The following LMF1 variants were observed in gnomAD, a reference collection of about 807,000 sequenced individuals.
LMF1 encodes the protein lipase maturation factor 1.
A neutral mutation model predicts 60.6 loss-of-function variants in LMF1; 68 were observed. The ratio of observed to expected loss-of-function variants is 1.12; its 90% confidence interval spans 0.92 to 1.37. The LOEUF (loss-of-function observed/expected upper bound fraction) is 1.37, where lower values mean the gene tolerates loss of function less well. Among genes scored for constraint, LMF1 ranks in the 40% most tolerant of loss-of-function variants. The pLI is 0.00. For missense variants in LMF1, 948 were observed against 767.2 expected (o/e 1.24, Z -2.78); for synonymous variants, 418 against 324.7 (o/e 1.29, Z -3.09).
chr16:910,869 G>A, intron 4 of LMF1, 62 bp downstream of exon 4: 1 of 1,594,666 alleles, frequency 6.3e-7, no homozygotes, highest in Non-Finnish European at 8.6e-7. Flanking sequence ...TCTCCTAGAA[G>A]CCTCACAGGT....
chr16:869,443 G>A, intron 9 of LMF1: 1 of 546,934 alleles, frequency 1.8e-6, no homozygotes, highest in Non-Finnish European at 3.5e-6. Context: ...CTTCTTTCCT[G>A]TTCGCTGAGA....
At chr16:944,277 C>T (rs556754370) in intron 2 of LMF1, among the ~76,000 whole-genome samples, 24 of 150,496 alleles carry the variant, frequency 1.6e-4, no homozygotes, top group African/African-American at 5.0e-4. Context: ...AGACTCTACC[C>T]GCCACTTTCC....
chr16:932,896 C>T (rs776599552), intron 3 of LMF1, among the ~76,000 whole-genome samples: 6 of 151,330 alleles, frequency 4.0e-5, no homozygotes, highest in Non-Finnish European at 7.4e-5. Flanking sequence ...CTCCCACACG[C>T]GTGAGCACTC....
intron 8 of LMF1, among the ~76,000 whole-genome samples, chr16:870,456 C>T (rs2069749479): frequency 6.6e-6 from 1 of 152,206 alleles, no homozygotes; most frequent in Non-Finnish European, 1.5e-5. Context: ...GTGGCCTCTC[C>T]CTTACGCCCC....
intron 6 of LMF1, among the ~76,000 whole-genome samples, chr16:876,547 G>C (rs995767500): frequency 1.4e-5 from 2 of 147,806 alleles, no homozygotes; most frequent in Admixed American, 6.7e-5. Context: ...GAAACTGGGA[G>C]GGGGGGATAA....
chr16:912,498 C>T (rs1416206528), intron 3 of LMF1, among the ~76,000 whole-genome samples: 4 of 152,262 alleles, frequency 2.6e-5, no homozygotes, highest in African/African-American at 7.2e-5. Context: ...CAAGTCCACA[C>T]TGATGTGCGC....
chr16:907,274 T>C (rs1405409457), intron 4 of LMF1, among the ~76,000 whole-genome samples: 1 of 151,696 alleles, frequency 6.6e-6, no homozygotes, highest in Non-Finnish European at 1.5e-5. Context: ...GATGGCAGGT[T>C]CCTGTAGTCC....
intron 3 of LMF1, among the ~76,000 whole-genome samples, chr16:927,215 G>T (rs148176348): frequency 0.012 from 1,852 of 152,346 alleles, 22 homozygotes; most frequent in South Asian, 0.095. Flanking sequence ...CTCACAGCTA[G>T]CCCATGTCAC....
At chr16:979,179 A>C in intron 1 of LMF1, 1 of 437,804 alleles carries the variant, frequency 2.3e-6, no homozygotes, top group South Asian at 1.6e-5. Flanking sequence ...CCCTCTCTGA[A>C]AGCTCCGTCC....
intron 2 of LMF1, among the ~76,000 whole-genome samples, chr16:942,706 A>C (rs901481103): frequency 7.3e-6 from 1 of 136,642 alleles, no homozygotes; most frequent in African/African-American, 2.8e-5. Flanking sequence ...TGGGGCTCCA[A>C]TCACATGTAT....
At chr16:924,449 A>G (rs778031636) in intron 3 of LMF1, among the ~76,000 whole-genome samples, 3 of 152,198 alleles carry the variant, frequency 2.0e-5, no homozygotes, top group Non-Finnish European at 4.4e-5. Flanking sequence ...TTCAGGCCAC[A>G]CTGGCCACAG....
At chr16:854,923 G>C in intron 10 of LMF1, 1 of 599,568 alleles carries the variant, frequency 1.7e-6, no homozygotes, top group Non-Finnish European at 3.0e-6. Flanking sequence ...GCGCAGCAAG[G>C]GGGAAGGGCG....
At chr16:923,557 G>A (rs1413393268) in intron 3 of LMF1, among the ~76,000 whole-genome samples, 1 of 152,162 alleles carries the variant, frequency 6.6e-6, no homozygotes, top group Non-Finnish European at 1.5e-5. Flanking sequence ...ACTAGCCTGA[G>A]CAACAGAGCA....
chr16:890,418 G>T (rs554781368), intron 5 of LMF1, among the ~76,000 whole-genome samples: 1 of 152,174 alleles, frequency 6.6e-6, no homozygotes, highest in Non-Finnish European at 1.5e-5. Flanking sequence ...GGAAGGAGCC[G>T]GCCCGGCCCC....
chr16:925,111 C>A (rs2071557895), intron 3 of LMF1, among the ~76,000 whole-genome samples: 1 of 152,218 alleles, frequency 6.6e-6, no homozygotes. Context: ...CGAAACCGCC[C>A]TCTTCAGCCA....
chr16:878,585 G>A lies in LMF1; in HGVS notation c.897+985C>T, dbSNP rs940864830. Among the ~76,000 whole-genome samples, 2 of 152,216 alleles carry A rather than the reference G, an allele frequency of 1.3e-5. No individual in the cohort carries two copies. Among genetic ancestry groups the A allele is most frequent in the African/African-American group, 2.4e-5 (1 of 41,450 alleles). On this transcript the variant is annotated intron_variant, in intron 6 of 10. Coordinates refer to ENST00000262301, the MANE Select transcript of LMF1 (RefSeq NM_022773.4). The surrounding 1 kb of genome is among the most constrained non-coding windows in gnomAD (Gnocchi z 5.2). ...ACTACCACACGTGCACAGACGGGAC[G>A]GGTGAACCGACCGCAGGCACGCACC... is the stretch of plus-strand genomic sequence containing the variant.
intron 4 of LMF1, among the ~76,000 whole-genome samples, chr16:910,261 A>G (rs988470270): frequency 2.0e-5 from 3 of 152,222 alleles, no homozygotes; most frequent in African/African-American, 7.2e-5. Context: ...TTTGCAGGGC[A>G]GACGCAGATG....
chr16:877,059 G>A (rs1370844327), intron 6 of LMF1, among the ~76,000 whole-genome samples: 1 of 152,158 alleles, frequency 6.6e-6, no homozygotes, highest in Non-Finnish European at 1.5e-5. Context: ...AGGCCTTGAG[G>A]CCGGGCGCAC....
chr16:879,867 C>T, intron 5 of LMF1, 130 bp from the exon 6 acceptor site: 1 of 881,804 alleles, frequency 1.1e-6, no homozygotes, highest in Non-Finnish European at 1.7e-6. Flanking sequence ...CCCGCCTGGC[C>T]CTGCACACGT....
Sources: gnomAD v4.1 joint callset for allele counts (sites outside exome capture counted in the v4.1 genomes callset) on GRCh38, gnomAD v4.1.1 for gene constraint, Gnocchi (gnomAD v3.1) non-coding constraint, MANE v1.5 for transcripts, NCBI Gene and HGNC (gene_info 2026-07-23, HGNC 2026-07-21) for gene names.